PDE1C: variants seen among roughly 807,000 people sequenced by gnomAD.
PDE1C encodes the protein phosphodiesterase 1C.
In PDE1C, 62 loss-of-function variants were observed where a neutral mutation model predicts 93.1. The observed-to-expected ratio is 0.67, with a 90% CI of 0.54 to 0.82. PDE1C has a LOEUF of 0.82. Among genes scored for constraint, PDE1C ranks in the 40% least tolerant of loss-of-function variants. The pLI is 0.00. For synonymous variants in PDE1C, 325 were observed against 310.1 expected, an observed-to-expected ratio of 1.05 and a Z score of -0.50; for missense variants, 742 against 884.6, an observed-to-expected ratio of 0.84 and a Z score of 2.04.
At chr7:31,907,324 G>A (rs1800726306) in intron 2 of PDE1C, among the ~76,000 whole-genome samples, 1 of 152,072 alleles carries the variant, frequency 6.6e-6, no homozygotes. Flanking sequence ...TTATAACTCA[G>A]TCTATACAGA....
At chr7:31,652,556 T>C in the PDE1C span, 2 of 1,609,170 alleles carry the variant, frequency 1.2e-6, no homozygotes, top group Non-Finnish European at 1.7e-6. Flanking sequence ...CTGAACACTA[T>C]TCAAATCTGC....
chr7:31,643,928 A>G, the PDE1C span: 2 of 1,613,158 alleles, frequency 1.2e-6, no homozygotes, highest in South Asian at 2.2e-5. Flanking sequence ...GCCCTTCAGG[A>G]CACTACAGTG....
intron 1 of PDE1C, among the ~76,000 whole-genome samples, chr7:32,065,657 A>G (rs1020984001): frequency 2.0e-5 from 3 of 152,224 alleles, no homozygotes; most frequent in Non-Finnish European, 4.4e-5. Flanking sequence ...GAGTAATCCC[A>G]TGTTGCCTGA....
At chr7:32,165,173 C>T (rs900631922) in intron 3 of PDE1C, among the ~76,000 whole-genome samples, 2 of 152,194 alleles carry the variant, frequency 1.3e-5, no homozygotes, top group Admixed American at 1.3e-4. Context: ...ATGTTTGATC[C>T]TATTTAACTT....
At chr7:32,016,953 T>A (rs1787990348) in intron 2 of PDE1C, among the ~76,000 whole-genome samples, 1 of 152,082 alleles carries the variant, frequency 6.6e-6, no homozygotes, top group Non-Finnish European at 1.5e-5. Context: ...GTTGCCTGAG[T>A]TCGAAGCCTG....
intron 2 of PDE1C, among the ~76,000 whole-genome samples, chr7:31,896,154 A>C (rs976104330): frequency 5.9e-5 from 9 of 152,178 alleles, no homozygotes; most frequent in African/African-American, 2.2e-4. Flanking sequence ...CTATATGTAC[A>C]GCACTCAGCA....
At chr7:31,837,412 C>CCA in intron 10 of PDE1C, 112 bp from the exon 11 acceptor site, 1 of 965,532 alleles carries the variant, frequency 1.0e-6, no homozygotes, top group Non-Finnish European at 1.4e-6. Context: ...ATCTCAAACC[C>CCA]CACTTCAGCT....
At chr7:31,992,354 G>A (rs971697851) in intron 2 of PDE1C, among the ~76,000 whole-genome samples, 6 of 152,250 alleles carry the variant, frequency 3.9e-5, no homozygotes, top group Admixed American at 1.3e-4. Flanking sequence ...GGAGGCACCA[G>A]TACCTGGTGT....
chr7:32,338,351 T>C (rs565427239), intron 1 of PDE1C, among the ~76,000 whole-genome samples: 8 of 152,204 alleles, frequency 5.3e-5, no homozygotes, highest in African/African-American at 1.9e-4. Context: ...GATATACAAA[T>C]GGTCAACAAG....
intron 12 of PDE1C, among the ~76,000 whole-genome samples, chr7:31,826,803 G>T (rs560893911): frequency 9.9e-5 from 15 of 152,124 alleles, no homozygotes; most frequent in South Asian, 2.1e-4. Context: ...TACTGGCAAA[G>T]AAATCTTCTA....
the PDE1C span, among the ~76,000 whole-genome samples, chr7:31,623,959 C>T: frequency 1.3e-5 from 2 of 149,548 alleles, no homozygotes; most frequent in Non-Finnish European, 3.0e-5. Flanking sequence ...AAATCACAAG[C>T]ATTCTTATAC....
At chr7:31,617,766 T>C in the PDE1C span, among the ~76,000 whole-genome samples, 1 of 152,164 alleles carries the variant, frequency 6.6e-6, no homozygotes, top group Non-Finnish European at 1.5e-5. Context: ...ATGAGTTTGG[T>C]TGAAATTGAA....
In PDE1C at chr7:31,841,205, C is replaced by CTG. The variant is rs1583558814; in HGVS notation, c.981-3235_981-3234insCA. Among the ~76,000 whole-genome samples, 35 of 42,928 alleles carry CTG rather than the reference C, an allele frequency of 8.2e-4. No individual in the cohort carries two copies. In the South Asian group the frequency reaches 0.03, roughly 37 times the overall value. 28.2% of individuals were successfully genotyped at this position (42,928 alleles called of 152,430 possible). A position where few individuals can be genotyped will look rare whatever the true frequency, so the allele number is the denominator to read the frequency against. On this transcript the variant is annotated intron_variant, in intron 9 of 17. Coordinates refer to ENST00000396191, the MANE Select transcript of PDE1C (RefSeq NM_001191057.4). ...TTGCTGCTAGTGTCTCTCTCCCTCTCTCTGTCTCTCTCTCTCTCTCTCTAT... is the reference window on the plus strand; with the variant it reads ...TTGCTGCTAGTGTCTCTCTCCCTCTCTGTCTGTCTCTCTCTCTCTCTCTCTAT...
At chr7:31,749,707 G>C (rs1034266972), downstream of PDE1C, among the ~76,000 whole-genome samples, 1 of 151,582 alleles carries the variant, frequency 6.6e-6, no homozygotes, top group African/African-American at 2.4e-5. Context: ...GCAAAGGGAG[G>C]CTGATATTTT....
At chr7:32,195,395 G>C (rs960887521) in intron 2 of PDE1C, among the ~76,000 whole-genome samples, 1 of 152,164 alleles carries the variant, frequency 6.6e-6, no homozygotes, top group Non-Finnish European at 1.5e-5. Context: ...TTGCTGATTA[G>C]AGGGGATTCT....
chr7:31,814,381 G>A (rs763262237), intron 15 of PDE1C, among the ~76,000 whole-genome samples: 2 of 151,966 alleles, frequency 1.3e-5, no homozygotes, highest in African/African-American at 2.4e-5. Context: ...CCAGAAGGGG[G>A]CAGGACGAGT....
intron 3 of PDE1C, among the ~76,000 whole-genome samples, chr7:32,112,828 GTGTGTGTGTGTGTGTGTGTATATATA>G (rs1563322849): frequency 1.2e-5 from 1 of 85,386 alleles, no homozygotes; most frequent in Non-Finnish European, 2.8e-5. Context: ...GTGTGTGTGT[GTGTGTGTGTGTGTGTGTGTATATATA>G]TATATATATA....
At chr7:32,274,838 A>T (rs1811181870) in intron 1 of PDE1C, among the ~76,000 whole-genome samples, 1 of 152,180 alleles carries the variant, frequency 6.6e-6, no homozygotes, top group Non-Finnish European at 1.5e-5. Context: ...ACATAAATTA[A>T]CGTGTTTACA....
chr7:32,299,263 C>G (rs999420850), exon 1 of PDE1C: 1 of 987,150 alleles, frequency 1.0e-6, no homozygotes, highest in African/African-American at 1.7e-5. Flanking sequence ...GAAAGCACAT[C>G]AACAGATGGA....
Sources: allele counts gnomAD v4.1 joint callset (sites outside exome capture counted in the v4.1 genomes callset), GRCh38; gene constraint gnomAD v4.1.1; transcripts MANE v1.5; gene names NCBI Gene and HGNC (gene_info 2026-07-23, HGNC 2026-07-21).